The following DNAH1 variants were observed in gnomAD, a reference collection of about 807,000 sequenced individuals.
DNAH1 encodes axonemal beta dynein heavy chain 1.
A neutral mutation model predicts 484.3 loss-of-function variants in DNAH1; 327 were observed. The observed-to-expected ratio is 0.68, with a 90% CI of 0.62 to 0.74. The LOEUF (loss-of-function observed/expected upper bound fraction) is 0.74. Ranked by LOEUF, DNAH1 falls within the 30% of genes least tolerant of loss-of-function variation. The pLI is 0.00. For missense variants in DNAH1, 5,052 were observed against 5,546.8 expected (o/e 0.91, Z 2.83); for synonymous variants, 2,192 against 2,191.9 (o/e 1.00, Z 0.00).
intron 50 of DNAH1, 104 bp downstream of exon 50, chr3:52,382,559 T>C (rs1703902831): frequency 6.6e-7 from 1 of 1,517,218 alleles, no homozygotes; most frequent in Admixed American, 2.0e-5. Context: ...CAGCTCACAG[T>C]CAGGGCAGAT....
chr3:52,364,858 G>A lies in DNAH1; in HGVS notation c.5357G>A (p.Arg1786His), dbSNP rs1407118122. Residue 1786 changes from arginine (R) to histidine (H), a missense_variant, in exon 34 of 78, where the codon CGT (arginine) becomes CAT (histidine). By Grantham distance (29) the Arg-to-His change is conservative (BLOSUM62 0). This residue lies in a region of DNAH1 where 2,929 missense variants were observed against 3,409.4 expected (regional missense o/e 0.86). Coordinates refer to ENST00000420323, the MANE Select transcript of DNAH1 (RefSeq NM_015512.5). The surrounding 1 kb of genome is among the most constrained non-coding windows in gnomAD (Gnocchi z 4.2). ...NEELICLRAIRDVNVPKFLQE... is the reference protein window; with the variant it reads ...NEELICLRAIHDVNVPKFLQE... ...GAGCTGATCTGCCTCCGGGCCATCC[G>A]TGATGTGAACGTGCCCAAGTTCCTG... 5.6e-6 allele frequency: 9 copies of A among 1,613,934 alleles called. No individual in the cohort carries two copies. The highest frequency in any genetic ancestry group is 5.5e-5 in the South Asian group (5 of 91,078).
intron 50 of DNAH1, among the ~76,000 whole-genome samples, chr3:52,383,113 C>A (rs1218928451): frequency 6.6e-6 from 1 of 152,216 alleles, no homozygotes; most frequent in Non-Finnish European, 1.5e-5. Flanking sequence ...TAAACTGAGA[C>A]ATGGAGAGGG....
intron 8 of DNAH1, among the ~76,000 whole-genome samples, chr3:52,333,436 G>A (rs1164695715): frequency 1.4e-5 from 2 of 141,956 alleles, no homozygotes; most frequent in African/African-American, 2.8e-5. Context: ...CACCCAGGCT[G>A]GAGTACAGTG....
In DNAH1 at chr3:52,357,750, G is replaced by A. The variant is rs762263218; in HGVS notation, c.3980+15G>A. The stretch of plus-strand genomic sequence containing the variant: ...GCCTTCCCCAGGTGGGCGCCACCTG[G>A]CCATGCCCACTCCGCCACTGTCTGC... On this transcript the variant is annotated intron_variant, in intron 23 of 77. Transcript: ENST00000420323. 6.4e-7 allele frequency: 1 copy of A among 1,573,750 alleles called. No individual in the cohort carries two copies. The highest frequency in any genetic ancestry group is 1.2e-5 in the South Asian group (1 of 86,340).
intron 44 of DNAH1, chr3:52,374,488 C>T (rs537135103): frequency 7.0e-5 from 100 of 1,424,532 alleles, no homozygotes; most frequent in Non-Finnish European, 8.8e-5. Flanking sequence ...AAATTAGAAG[C>T]GATTTTAGAT....
rs1460176750 is a variant in DNAH1, at chr3:52,369,974, GC to G, written c.6096del (p.Tyr2033MetfsTer24). ...WLRKLPPLLK[P>X]YEEHFKALFV... ...TGAGGAAGCTGCCTCCCTTGCTGAA[GC>G]CCTATGAGGAGCATTTCAAGGCCCT... is the stretch of plus-strand genomic sequence containing the variant. On this transcript the variant is annotated frameshift_variant, in exon 38 of 78. Coordinates refer to ENST00000420323, the MANE Select transcript of DNAH1 (RefSeq NM_015512.5). LOFTEE classifies it high-confidence loss of function. The G allele has an allele frequency of 1.2e-6, 2 of 1,613,780 alleles. No individual in the cohort carries two copies. Among genetic ancestry groups the G allele is most frequent in the Non-Finnish European group, 1.7e-6 (2 of 1,179,842 alleles).
rs1251476126 is a variant in DNAH1, at chr3:52,353,610, G to C, written c.3457G>C (p.Gly1153Arg). 6.2e-7 allele frequency: 1 copy of C among 1,604,434 alleles called. No homozygotes were observed. Among genetic ancestry groups the C allele is most frequent in the African/African-American group, 1.3e-5 (1 of 74,796 alleles). ...CATCAGCAAGGTGGCTGAGGTGGCT[G>C]GCAAGGAGTACGCCATCGAGCAGGT... ...ESISKVAEVAGKEYAIEQALD... is the reference protein window; with the variant it reads ...ESISKVAEVARKEYAIEQALD... The change falls in exon 20 of 78, where the codon GGC (glycine) becomes CGC (arginine). Residue 1153 changes from glycine (G) to arginine (R), a missense_variant. Around this residue, in one of 4 missense-constraint regions of DNAH1, gnomAD observed 2,929 missense variants for 3,409.4 expected, o/e 0.86. Coordinates refer to ENST00000420323, the MANE Select transcript of DNAH1 (RefSeq NM_015512.5). This position sits in a 1 kb window ranked among gnomAD's most constrained non-coding sequence, Gnocchi z 5.0.
upstream of DNAH1, among the ~76,000 whole-genome samples, chr3:52,311,643 C>G (rs941203351): frequency 1.3e-5 from 2 of 152,202 alleles, no homozygotes; most frequent in African/African-American, 4.8e-5. Context: ...TGTATCCTGA[C>G]GCAAGGCCCC....
intron 67 of DNAH1, 108 bp downstream of exon 67, chr3:52,394,769 GGCT>G (rs2153225693): frequency 6.7e-7 from 1 of 1,482,448 alleles, no homozygotes; most frequent in South Asian, 1.3e-5. Context: ...GTTGCCCTGT[GGCT>G]GTGGCCACAT....
At chr3:52,323,506 C>T (rs1384906966) in intron 2 of DNAH1, among the ~76,000 whole-genome samples, 5 of 152,180 alleles carry the variant, frequency 3.3e-5, no homozygotes, top group South Asian at 4.1e-4. Context: ...ACCTGCTGGC[C>T]TTGCAGTACC....
At chr3:52,386,456 C>T (rs1189109639) in intron 55 of DNAH1, 111 bp downstream of exon 55, 3 of 1,398,170 alleles carry the variant, frequency 2.1e-6, no homozygotes, top group South Asian at 1.5e-5. Context: ...CTCATTCCAG[C>T]CCCCAGGGCC....
At chr3:52,311,230 T>C in the DNAH1 span, among the ~76,000 whole-genome samples, 1 of 152,170 alleles carries the variant, frequency 6.6e-6, no homozygotes, top group South Asian at 2.1e-4. Context: ...TTTGGAGGCC[T>C]AATACCTTGA....
rs1334647150 is a variant in DNAH1 at position 52,378,813 on chromosome 3, C to T, written c.7377+33C>T. The T allele has an allele frequency of 2.5e-6, 4 of 1,611,670 alleles. No homozygotes were observed. The Admixed American group carries it at 5.0e-5, about 20-fold the overall frequency. ...CCAGGCAGGCACCCTCCCCAGTGCC[C>T]ACACTGCTCTCCGCATCCTCCCCAG... On this transcript the variant is annotated intron_variant, in intron 47 of 77. Coordinates refer to ENST00000420323, the MANE Select transcript of DNAH1 (RefSeq NM_015512.5).
In DNAH1 at chr3:52,394,458, C is replaced by T; in HGVS notation, c.10627-7C>T. 1 of 1,613,840 alleles carries T rather than the reference C, an allele frequency of 6.2e-7. No individual in the cohort carries two copies. The highest frequency in any genetic ancestry group is 2.2e-5 in the East Asian group (1 of 44,880). ...CTGGGCATCAGCCTCCTCCTGTCCC[C>T]TGCCAGAGTGAGTGGCGATACCTCC... is the stretch of plus-strand genomic sequence containing the variant. On this transcript the variant is annotated splice_region_variant and splice_polypyrimidine_tract_variant and intron_variant, in intron 66 of 77. Transcript: ENST00000420323.
In DNAH1 at chr3:52,358,211, G is replaced by A. The variant is rs1046906791; in HGVS notation, c.4086+208G>A. ...GGGCCCTGGATTTCCAACTCACCAG[G>A]CGCTCCCTGTGCCCCCAGCACACTG... On this transcript the variant is annotated intron_variant, in intron 24 of 77. Coordinates refer to ENST00000420323, the MANE Select transcript of DNAH1 (RefSeq NM_015512.5). This position sits in a 1 kb window ranked among gnomAD's most constrained non-coding sequence, Gnocchi z 4.2. Among the ~76,000 whole-genome samples, 3 of 152,230 alleles carry A rather than the reference G, an allele frequency of 2.0e-5. No homozygotes were observed. Among genetic ancestry groups the A allele is most frequent in the Admixed American group, 2.0e-4 (3 of 15,288 alleles).
At chr3:52,343,825 G>C (rs73837052) in intron 8 of DNAH1, among the ~76,000 whole-genome samples, 13 of 152,170 alleles carry the variant, frequency 8.5e-5, no homozygotes, top group Non-Finnish European at 1.6e-4. Flanking sequence ...GCCAGGTGCC[G>C]GAACACAGCG....
chr3:52,358,636 T>A lies in DNAH1; in HGVS notation c.4165T>A (p.Tyr1389Asn). 6.2e-7 allele frequency: 1 copy of A among 1,613,330 alleles called. No individual in the cohort carries two copies. Among genetic ancestry groups the A allele is most frequent in the Non-Finnish European group, 8.5e-7 (1 of 1,179,768 alleles). The change falls in exon 25 of 78, where the codon TAC becomes AAC. Residue 1389 changes from tyrosine (Y) to asparagine (N), a missense_variant. Tyr to Asn is a moderately radical substitution (Grantham distance 143). Transcript: ENST00000420323. The surrounding 1 kb of genome is among the most constrained non-coding windows in gnomAD (Gnocchi z 4.2). ...GEEVQLCFSI[Y>N]PSSNVEDWLR... ...GGAGGTACAGTTGTGCTTCTCCATC[T>A]ACCCCTCCAGCAACGTGGAGGACTG... is the stretch of plus-strand genomic sequence containing the variant.
At chr3:52,356,021 A>G (rs951728350) in intron 21 of DNAH1, among the ~76,000 whole-genome samples, 1 of 152,254 alleles carries the variant, frequency 6.6e-6, no homozygotes, top group Non-Finnish European at 1.5e-5. Flanking sequence ...CAGTCCTGAC[A>G]CTGCTGACTG....
In DNAH1 at chr3:52,369,938, C is replaced by T. The variant is rs371029266; in HGVS notation, c.6057C>T (p.Ile2019=). 94 of 1,613,874 alleles carry T rather than the reference C, an allele frequency of 5.8e-5. No individual in the cohort carries two copies. The highest frequency in any genetic ancestry group is 8.9e-5 in the East Asian group (4 of 44,900). ...GCATCCTGGGGCTCATGCCCTTCAT[C>T]GAGTGCTGGCTGAGGAAGCTGCCTC... ...EPSILGLMPF[I]ECWLRKLPPL... is the part of the protein sequence containing the mutation. The change falls in exon 38 of 78, where the codon ATC becomes ATT. Residue 2019 remains isoleucine (I), a synonymous_variant. Coordinates refer to ENST00000420323, the MANE Select transcript of DNAH1 (RefSeq NM_015512.5).
Sources: allele counts gnomAD v4.1 joint callset (sites outside exome capture counted in the v4.1 genomes callset), GRCh38; gene constraint gnomAD v4.1.1; regional missense constraint gnomAD v4.1.1; non-coding constraint Gnocchi (gnomAD v3.1); transcripts MANE v1.5; gene names NCBI Gene and HGNC (gene_info 2026-07-23, HGNC 2026-07-21).